CLASP1: variants seen among roughly 807,000 people sequenced by gnomAD.
CLASP1 encodes the protein CLIP-associating protein 1.
A neutral mutation model predicts 192.3 loss-of-function variants in CLASP1; 38 were observed. That is an observed-to-expected ratio of 0.20 (90% CI 0.15 to 0.26). CLASP1 has a LOEUF of 0.26. Among genes scored for constraint, CLASP1 ranks in the 10% least tolerant of loss-of-function variants. CLASP1 has a pLI of 1.00. For synonymous variants in CLASP1, 691 were observed against 712.8 expected (o/e 0.97, Z 0.49); for missense variants, 1,433 against 1,932.5 (o/e 0.74, Z 4.85).
intron 8 of CLASP1, among the ~76,000 whole-genome samples, chr2:121,486,849 C>T (rs1028778131): frequency 1.2e-4 from 18 of 152,138 alleles, no homozygotes; most frequent in Non-Finnish European, 1.3e-4. Flanking sequence ...CCGCTACATA[C>T]GAAGACAAAG....
At position 121,474,618 on chromosome 2, in the gene CLASP1, C is replaced by T. The variant is rs574070599; in HGVS notation, c.713-4658G>A. 1.6e-3 allele frequency among the ~76,000 whole-genome samples: 245 copies of T among 152,244 alleles called. 3 individuals are homozygous for T. The highest frequency in any genetic ancestry group is 5.2e-3 in the African/African-American group (218 of 41,550). On this transcript the variant is annotated intron_variant, in intron 8 of 39. Coordinates refer to ENST00000263710, the Ensembl canonical transcript of CLASP1. ...GGGCATGGTGGTGGGTGCCTGTAGT[C>T]GCAGCTACTCGGGAGGCTGAGGCAG...
intron 6 of CLASP1, among the ~76,000 whole-genome samples, chr2:121,521,613 G>A (rs2094458288): frequency 6.6e-6 from 1 of 152,194 alleles, no homozygotes; most frequent in Admixed American, 6.5e-5. Flanking sequence ...CACACACACT[G>A]TGCACCTGTG....
chr2:121,395,306 CAAAT>C (rs935559659), intron 30 of CLASP1, among the ~76,000 whole-genome samples: 6 of 152,058 alleles, frequency 3.9e-5, no homozygotes, highest in African/African-American at 7.2e-5. Flanking sequence ...CAATAGAAAA[CAAAT>C]AACGAAGTCA....
chr2:121,452,459 T>C (rs6736269), intron 14 of CLASP1, among the ~76,000 whole-genome samples: 30,596 of 152,092 alleles, frequency 0.2, 5,760 homozygotes, highest in African/African-American at 0.49. Context: ...AAAAACAATT[T>C]AGATTACATC....
intron 9 of CLASP1, among the ~76,000 whole-genome samples, chr2:121,468,138 C>T (rs2090001953): frequency 6.6e-6 from 1 of 152,112 alleles, no homozygotes; most frequent in South Asian, 2.1e-4. Flanking sequence ...TCTTCTATTC[C>T]ATTGGTCTAT....
chr2:121,512,753 A>C (rs1339567758), intron 7 of CLASP1, among the ~76,000 whole-genome samples: 1 of 152,022 alleles, frequency 6.6e-6, no homozygotes, highest in Non-Finnish European at 1.5e-5. Context: ...TGGGATTACT[A>C]CTCTTGCTAT....
chr2:121,646,294 G>T (rs777034698), intron 1 of CLASP1, among the ~76,000 whole-genome samples: 1 of 152,090 alleles, frequency 6.6e-6, no homozygotes, highest in Non-Finnish European at 1.5e-5. Context: ...TGAATTTTCT[G>T]TAGAGACACA....
At chr2:121,534,069 A>G (rs529558058) in intron 2 of CLASP1, among the ~76,000 whole-genome samples, 56 of 152,404 alleles carry the variant, frequency 3.7e-4, no homozygotes, top group Admixed American at 1.7e-3. Context: ...AAGAAGGCAC[A>G]GAAGAACTTC....
intron 39 of CLASP1, among the ~76,000 whole-genome samples, chr2:121,342,935 A>T (rs933094158): frequency 3.3e-5 from 5 of 152,098 alleles, no homozygotes; most frequent in African/African-American, 1.2e-4. Context: ...TTAATTAATT[A>T]ATTTATGCAT....
At chr2:121,623,485 G>A (rs1368748438) in intron 1 of CLASP1, among the ~76,000 whole-genome samples, 2 of 152,182 alleles carry the variant, frequency 1.3e-5, no homozygotes, top group African/African-American at 4.8e-5. Flanking sequence ...ATACTGTTCT[G>A]TAGTTTTCTT....
chr2:121,496,783 G>C (rs567474489), intron 8 of CLASP1, among the ~76,000 whole-genome samples: 3 of 152,330 alleles, frequency 2.0e-5, no homozygotes, highest in African/African-American at 7.2e-5. Flanking sequence ...CAGTGGGGTA[G>C]AGGGTGCCTG....
chr2:121,508,051 TAA>T (rs146267005), intron 7 of CLASP1, among the ~76,000 whole-genome samples: 1 of 146,724 alleles, frequency 6.8e-6, no homozygotes, highest in Non-Finnish European at 1.5e-5. Flanking sequence ...CATGAAGAAA[TAA>T]AAAAAAAAGT....
intron 6 of CLASP1, among the ~76,000 whole-genome samples, chr2:121,519,344 C>G (rs1006697210): frequency 1.3e-5 from 2 of 152,186 alleles, no homozygotes; most frequent in Admixed American, 6.5e-5. Context: ...GTGATTGCAG[C>G]AGGCTGAGTG....
intron 30 of CLASP1, among the ~76,000 whole-genome samples, chr2:121,393,343 C>G (rs1368594551): frequency 1.3e-5 from 2 of 152,172 alleles, no homozygotes; most frequent in African/African-American, 2.4e-5. Flanking sequence ...AAGATTTCCT[C>G]AATCCCTGAT....
chr2:121,531,587 C>A (rs1282043400), intron 2 of CLASP1, among the ~76,000 whole-genome samples: 1 of 115,762 alleles, frequency 8.6e-6, no homozygotes, highest in African/African-American at 4.2e-5. Context: ...CAGCGAGACT[C>A]CATCTCAAAA....
At chr2:121,341,855 AAATTT>A (rs1415742507) in intron 39 of CLASP1, among the ~76,000 whole-genome samples, 1 of 152,220 alleles carries the variant, frequency 6.6e-6, no homozygotes, top group Non-Finnish European at 1.5e-5. Context: ...AAATCTATTG[AAATTT>A]AATTTGTGAT....
chr2:121,357,490 G>A (rs748553523), intron 37 of CLASP1, among the ~76,000 whole-genome samples: 17 of 151,938 alleles, frequency 1.1e-4, no homozygotes, highest in Admixed American at 1.0e-3. Flanking sequence ...CACAGCCCCC[G>A]AGCTGGCAAA....
At chr2:121,351,344 C>T (rs749027479) in intron 37 of CLASP1, among the ~76,000 whole-genome samples, 9 of 152,336 alleles carry the variant, frequency 5.9e-5, no homozygotes, top group East Asian at 1.9e-4. Flanking sequence ...CATATGTAGA[C>T]GGCTTTGTAT....
intron 34 of CLASP1, among the ~76,000 whole-genome samples, chr2:121,375,346 A>G (rs2069803434): frequency 6.7e-6 from 1 of 149,238 alleles, no homozygotes; most frequent in African/African-American, 2.5e-5. Context: ...TTTCTTATAA[A>G]TTACCTAGTT....
Sources: allele counts gnomAD v4.1 joint callset (sites outside exome capture counted in the v4.1 genomes callset), GRCh38; gene constraint gnomAD v4.1.1; transcripts MANE v1.5; gene names NCBI Gene and HGNC (gene_info 2026-07-23, HGNC 2026-07-21).